The following MEGF10 variants were observed in gnomAD, a reference collection of about 807,000 sequenced individuals.
MEGF10 encodes the protein multiple epidermal growth factor-like domains protein 10.
MEGF10 carries 86 observed loss-of-function variants against 147.5 expected under a neutral mutation model. That is an observed-to-expected ratio of 0.58 (90% CI 0.49 to 0.70). The LOEUF (loss-of-function observed/expected upper bound fraction) is 0.70, where lower values mean the gene tolerates loss of function less well. Among genes scored for constraint, MEGF10 ranks in the 30% least tolerant of loss-of-function variants. MEGF10 has a pLI of 0.00. For missense variants in MEGF10, 1,329 were observed against 1,487.3 expected, an observed-to-expected ratio of 0.89 and a Z score of 1.75; for synonymous variants, 478 against 525.5, an observed-to-expected ratio of 0.91 and a Z score of 1.24.
At chr5:127,433,333 C>G in intron 13 of MEGF10, 30 bp from the exon 14 acceptor site, 2 of 1,614,116 alleles carry the variant, frequency 1.2e-6, no homozygotes, top group Non-Finnish European at 1.7e-6. Context: ...CTGCCTCTCA[C>G]TCAGCCTTGC....
chr5:127,452,498 A>C (rs1239499751), intron 22 of MEGF10, among the ~76,000 whole-genome samples: 1 of 152,050 alleles, frequency 6.6e-6, no homozygotes, highest in African/African-American at 2.4e-5. Context: ...CACCAAGACG[A>C]CCCTCAGGAT....
At chr5:127,289,002 T>C (rs1240945253), upstream of MEGF10, among the ~76,000 whole-genome samples, 1 of 152,216 alleles carries the variant, frequency 6.6e-6, no homozygotes, top group Non-Finnish European at 1.5e-5. Context: ...TCCATTCATA[T>C]GAAATGTTAG....
At chr5:127,410,363 T>C in intron 8 of MEGF10, 26 bp from the exon 9 acceptor site, 1 of 1,609,070 alleles carries the variant, frequency 6.2e-7, no homozygotes, top group Non-Finnish European at 8.5e-7. Context: ...TAATCTTTCT[T>C]CTTGCTCCTG....
At position 127,445,472 on chromosome 5, in the gene MEGF10, T is replaced by A. The variant is rs1163679430; in HGVS notation, c.2507T>A (p.Val836Asp). ...ARCDQAGVII[V>D]GNLNSLSRTS... Reference sequence around the variant, plus strand: ...CTTTTTCTAGCTGGTGTTATCATAGTTGGAAATCTGAACAGCTTAAGCCGA... The same window carrying A: ...CTTTTTCTAGCTGGTGTTATCATAGATGGAAATCTGAACAGCTTAAGCCGA... Residue 836 changes from valine (V) to aspartate (D), a missense_variant, in exon 20 of 25, where the codon GTT (valine) becomes GAT (aspartate). By Grantham distance (152) the Val-to-Asp change is radical. This residue lies in a region of MEGF10 where 343 missense variants were observed against 377.9 expected (regional missense o/e 0.91). Transcript: ENST00000503335. 1 of 1,613,920 alleles carries A rather than the reference T, an allele frequency of 6.2e-7. No homozygotes were observed. The highest frequency in any genetic ancestry group is 1.3e-5 in the African/African-American group (1 of 75,040).
chr5:127,417,545 C>T lies in MEGF10; in HGVS notation c.1131-93C>T, dbSNP rs1044597328. The T allele has an allele frequency of 4.1e-6, 5 of 1,219,296 alleles. No homozygotes were observed. The African/African-American group carries it at 4.5e-5, about 11-fold the overall frequency. The allele number at this position is 1,219,296 out of a possible 1,614,324, so 75.5% of individuals were successfully genotyped here. A position where few individuals can be genotyped will look rare whatever the true frequency, so the allele number is the denominator to read the frequency against. ...ATTATTCTGCATGGAATTACCCACACATTTAGTGATCATTGCTAAAGCAAC... is the reference window on the plus strand; with the variant it reads ...ATTATTCTGCATGGAATTACCCACATATTTAGTGATCATTGCTAAAGCAAC... On this transcript the variant is annotated intron_variant, in intron 9 of 24. Coordinates refer to ENST00000503335, the MANE Select transcript of MEGF10 (RefSeq NM_001256545.2).
intron 1 of MEGF10, among the ~76,000 whole-genome samples, chr5:127,325,177 C>T (rs1760961422): frequency 6.6e-6 from 1 of 152,190 alleles, no homozygotes; most frequent in Non-Finnish European, 1.5e-5. Context: ...TGACTTTCTT[C>T]ATGAGCCTTC....
chr5:127,301,331 A>C (rs1195586436), intron 1 of MEGF10, among the ~76,000 whole-genome samples: 6 of 152,200 alleles, frequency 3.9e-5, no homozygotes, highest in African/African-American at 1.4e-4. Flanking sequence ...TACTGATAGA[A>C]CATTCCAGCT....
chr5:127,258,465 A>AT, the MEGF10 span, among the ~76,000 whole-genome samples: 9 of 152,112 alleles, frequency 5.9e-5, 1 homozygote, highest in African/African-American at 2.2e-4. Context: ...TAATTATTTG[A>AT]TTTTTTTGCT....
At chr5:127,317,522 TC>T (rs1760607646) in intron 1 of MEGF10, among the ~76,000 whole-genome samples, 2 of 152,186 alleles carry the variant, frequency 1.3e-5, no homozygotes, top group South Asian at 4.1e-4. Flanking sequence ...GTTTCAGCTT[TC>T]TACATAGAAA....
chr5:127,330,716 T>C (rs1761220642), intron 1 of MEGF10, among the ~76,000 whole-genome samples: 3 of 152,186 alleles, frequency 2.0e-5, no homozygotes, highest in African/African-American at 7.2e-5. Flanking sequence ...GATTACTAAG[T>C]TATAAGTATC....
chr5:127,369,989 C>G lies in MEGF10; in HGVS notation c.399C>G (p.Thr133=), dbSNP rs1284842842. 1 of 1,612,858 alleles carries G rather than the reference C, an allele frequency of 6.2e-7. No homozygotes were observed. The highest frequency in any genetic ancestry group is 8.5e-7 in the Non-Finnish European group (1 of 1,179,274). Residue 133 remains threonine, a synonymous_variant, in exon 5 of 25, where the codon ACC becomes ACG. Transcript: ENST00000503335. The part of the protein sequence containing the change: ...TCQCEPGWGG[T]NCSSACDGDH... ...AGTGTGAGCCTGGCTGGGGAGGGAC[C>G]AACTGCTCCAGTGGTAAGTTTCCAC...
At chr5:127,359,607 C>G (rs1762404420) in intron 4 of MEGF10, among the ~76,000 whole-genome samples, 1 of 152,040 alleles carries the variant, frequency 6.6e-6, no homozygotes, top group South Asian at 2.1e-4. Context: ...TTTTCTAGAG[C>G]TTTATATAAG....
the MEGF10 span, among the ~76,000 whole-genome samples, chr5:127,259,442 G>A: frequency 6.6e-6 from 1 of 152,172 alleles, no homozygotes; most frequent in East Asian, 1.9e-4. Context: ...ATGTCAAAGG[G>A]GGGAGAGTGT....
upstream of MEGF10, among the ~76,000 whole-genome samples, chr5:127,290,452 A>C (rs1759193700): frequency 6.6e-6 from 1 of 152,126 alleles, no homozygotes; most frequent in South Asian, 2.1e-4. Context: ...GACTCTGCCG[A>C]GGGACTTGCA....
At chr5:127,441,069 G>A (rs557285754) in intron 18 of MEGF10, among the ~76,000 whole-genome samples, 93 of 152,292 alleles carry the variant, frequency 6.1e-4, no homozygotes, top group African/African-American at 2.2e-3. Context: ...TGCTCTGGGC[G>A]GAGGAGGTGT....
intron 1 of MEGF10, among the ~76,000 whole-genome samples, chr5:127,292,405 C>A (rs749682057): frequency 1.3e-5 from 2 of 152,182 alleles, no homozygotes; most frequent in East Asian, 3.8e-4. Flanking sequence ...ATAGTAGGCA[C>A]AAATTAGCTT....
intron 3 of MEGF10, 66 bp from the exon 4 acceptor site, chr5:127,340,464 T>C: frequency 8.5e-7 from 1 of 1,181,114 alleles, no homozygotes; most frequent in East Asian, 2.4e-5. Context: ...TCTTCATAAC[T>C]AGTTTGAAAT....
chr5:127,396,187 G>A (rs957320061), intron 5 of MEGF10, among the ~76,000 whole-genome samples: 1 of 152,172 alleles, frequency 6.6e-6, no homozygotes, highest in African/African-American at 2.4e-5. Flanking sequence ...TAGCCAGGCT[G>A]CTCTCCTTGC....
chr5:127,333,418 A>G (rs1761345315), intron 2 of MEGF10, among the ~76,000 whole-genome samples: 1 of 152,114 alleles, frequency 6.6e-6, no homozygotes, highest in East Asian at 1.9e-4. Context: ...GGGCTGAGGC[A>G]CAAGAATCAC....
Sources: allele counts gnomAD v4.1 joint callset (sites outside exome capture counted in the v4.1 genomes callset), GRCh38; gene constraint gnomAD v4.1.1; regional missense constraint gnomAD v4.1.1; transcripts MANE v1.5; gene names NCBI Gene and HGNC (gene_info 2026-07-23, HGNC 2026-07-21).